MRAP: variants seen among roughly 807,000 people sequenced by gnomAD.
MRAP encodes the protein melanocortin 2 receptor accessory protein.
MRAP carries 8 observed loss-of-function variants against 8.7 expected under a neutral mutation model. The ratio of observed to expected loss-of-function variants is 0.92; its 90% confidence interval spans 0.54 to 1.66. The LOEUF (loss-of-function observed/expected upper bound fraction) is 1.66. Among genes scored for constraint, MRAP ranks in the 40% most tolerant of loss-of-function variants. The pLI, the probability that MRAP is intolerant of heterozygous loss-of-function variation, is 0.00. For synonymous variants in MRAP, 95 were observed against 95.5 expected (o/e 1.00, Z 0.03); for missense variants, 237 against 217.1 (o/e 1.09, Z -0.58).
rs527246433 is a variant in MRAP, at chr21:32,309,690, C to A, written c.207-1994C>A. 2.9e-4 allele frequency among the ~76,000 whole-genome samples: 43 copies of A among 149,424 alleles called. 1 individual carries two copies. Among genetic ancestry groups the A allele is most frequent in the East Asian group, 1.7e-3 (8 of 4,710 alleles). On this transcript the variant is annotated intron_variant, in intron 2 of 2. Coordinates refer to ENST00000303645, the MANE Select transcript of MRAP (RefSeq NM_001379228.1). Reference sequence around the variant, plus strand: ...CAGTCTCAAACTCCAGACCTGTAATCCTAGCACTTTGAGAGGCCGAGGTGG... The same window carrying A: ...CAGTCTCAAACTCCAGACCTGTAATACTAGCACTTTGAGAGGCCGAGGTGG...
At chr21:32,310,132 C>G (rs144610735) in intron 2 of MRAP, among the ~76,000 whole-genome samples, 2 of 152,222 alleles carry the variant, frequency 1.3e-5, no homozygotes, top group Non-Finnish European at 1.5e-5. Flanking sequence ...GCCTCCACCA[C>G]GCCCAGCTCC....
intron 2 of MRAP, among the ~76,000 whole-genome samples, chr21:32,309,359 T>C (rs2032496642): frequency 6.6e-6 from 1 of 152,062 alleles, no homozygotes. Flanking sequence ...CTGCCCGTGG[T>C]GTCTCACCCA....
chr21:32,298,799 C>T, upstream of MRAP: 1 of 618,838 alleles, frequency 1.6e-6, no homozygotes, highest in Non-Finnish European at 3.0e-6. Flanking sequence ...ACCCCCCTGA[C>T]CTTTCTTCCA....
intron 2 of MRAP, among the ~76,000 whole-genome samples, chr21:32,307,219 T>TG (rs1029677522): frequency 7.9e-5 from 12 of 151,710 alleles, no homozygotes; most frequent in African/African-American, 2.9e-4. Flanking sequence ...TGCCTAGGTC[T>TG]GGGGGGAGAG....
chr21:32,304,731 T>C (rs4817481), intron 1 of MRAP, among the ~76,000 whole-genome samples: 84,258 of 151,928 alleles, frequency 0.55, 28,400 homozygotes, highest in Non-Finnish European at 0.75. Context: ...TCCCCAGGAA[T>C]CCAGAGGTGC....
intron 1 of MRAP, among the ~76,000 whole-genome samples, chr21:32,301,025 CAG>C (rs1329565839): frequency 2.7e-5 from 4 of 148,932 alleles, no homozygotes; most frequent in African/African-American, 5.2e-5. Context: ...GCATATGTAT[CAG>C]ATATATCAAA....
intron 1 of MRAP, among the ~76,000 whole-genome samples, chr21:32,300,333 G>T (rs1472524993): frequency 2.0e-5 from 3 of 152,182 alleles, no homozygotes; most frequent in South Asian, 2.1e-4. Context: ...TGCATCCTAT[G>T]TCAGGGGCGT....
At chr21:32,294,402 G>A (rs1057428418), upstream of MRAP, among the ~76,000 whole-genome samples, 29 of 152,060 alleles carry the variant, frequency 1.9e-4, no homozygotes, top group Admixed American at 7.9e-4. Flanking sequence ...GGCATGAGCC[G>A]CCGCACCCGG....
At chr21:32,306,118 G>A (rs548155554) in intron 1 of MRAP, among the ~76,000 whole-genome samples, 21 of 152,286 alleles carry the variant, frequency 1.4e-4, no homozygotes, top group African/African-American at 4.8e-4. Context: ...GCTAACTCCC[G>A]TAGAGCAGAA....
rs926313219 is a variant in MRAP, at chr21:32,302,649, C to T, written c.106+3572C>T. On this transcript the variant is annotated intron_variant, in intron 1 of 2. Transcript: ENST00000303645. Reference sequence around the variant, plus strand: ...GCTCATTGCACTACCATCCCTGGGACATGGCTGCCCTCATCCTCAGGTTGC... The same window carrying T: ...GCTCATTGCACTACCATCCCTGGGATATGGCTGCCCTCATCCTCAGGTTGC... Among the ~76,000 whole-genome samples, 7 of 152,206 alleles carry T rather than the reference C, an allele frequency of 4.6e-5. No individual in the cohort carries two copies. In the South Asian group the frequency reaches 1.2e-3, roughly 27 times the overall value.
Position 32,299,037 on chromosome 21 carries a change from C to T in MRAP, c.66C>T (p.Asp22=), listed in dbSNP as rs1240887761. ...YSYEYYLDYL[D]LIPVDEKKLK... is the part of the protein sequence containing the mutation. ...ATGAATACTACCTGGACTATCTGGACCTCATTCCCGTGGACGAGAAGAAGC... is the reference window on the plus strand; with the variant it reads ...ATGAATACTACCTGGACTATCTGGATCTCATTCCCGTGGACGAGAAGAAGC... Residue 22 remains aspartate (D), a synonymous_variant, in exon 1 of 3, where the codon GAC becomes GAT. Transcript: ENST00000303645. 1 of 1,614,204 alleles carries T rather than the reference C, an allele frequency of 6.2e-7. No individual in the cohort carries two copies. Among genetic ancestry groups the T allele is most frequent in the Non-Finnish European group, 8.5e-7 (1 of 1,180,028 alleles).
At chr21:32,307,447 C>T (rs545647748) in intron 2 of MRAP, among the ~76,000 whole-genome samples, 7 of 151,966 alleles carry the variant, frequency 4.6e-5, no homozygotes, top group East Asian at 3.9e-4. Flanking sequence ...CGTGGTGGCA[C>T]GCACTTGTAA....
chr21:32,295,236 A>C (rs534948814), upstream of MRAP, among the ~76,000 whole-genome samples: 2 of 152,308 alleles, frequency 1.3e-5, no homozygotes, highest in South Asian at 4.1e-4. Flanking sequence ...GAAAGGAAGT[A>C]AAGTACACAT....
chr21:32,313,434 T>A (rs1252134135), downstream of MRAP: 3 of 152,154 alleles, frequency 2.0e-5, no homozygotes, highest in African/African-American at 7.2e-5. Flanking sequence ...GATCTAAACG[T>A]GGGATTTCAA....
At chr21:32,294,410 C>T (rs367963261), upstream of MRAP, among the ~76,000 whole-genome samples, 5 of 152,118 alleles carry the variant, frequency 3.3e-5, no homozygotes, top group Admixed American at 1.3e-4. Context: ...CCGCCGCACC[C>T]GGACAGGTGT....
upstream of MRAP, among the ~76,000 whole-genome samples, chr21:32,294,722 T>G (rs1450440152): frequency 6.6e-6 from 1 of 152,152 alleles, no homozygotes; most frequent in Non-Finnish European, 1.5e-5. Context: ...TATGTCCATT[T>G]CTACAGTTTG....
chr21:32,306,950 G>A, intron 2 of MRAP: 1 of 624,432 alleles, frequency 1.6e-6, no homozygotes. Context: ...CCTCATGTCA[G>A]TGCTCAGTAT....
At chr21:32,301,042 T>A (rs1171033273) in intron 1 of MRAP, among the ~76,000 whole-genome samples, 3 of 151,374 alleles carry the variant, frequency 2.0e-5, no homozygotes, top group African/African-American at 4.8e-5. Flanking sequence ...ATCAAATATA[T>A]CATATGATAT....
chr21:32,313,186 T>C (rs1050439595), downstream of MRAP: 1 of 152,320 alleles, frequency 6.6e-6, no homozygotes, highest in Non-Finnish European at 1.5e-5. Flanking sequence ...GAGCCAGGGA[T>C]GAAGCCGTGG....
Sources: allele counts gnomAD v4.1 joint callset (sites outside exome capture counted in the v4.1 genomes callset), GRCh38; gene constraint gnomAD v4.1.1; transcripts MANE v1.5; gene names NCBI Gene and HGNC (gene_info 2026-07-23, HGNC 2026-07-21).